SLC25A26: variants seen among roughly 807,000 people sequenced by gnomAD.
SLC25A26 encodes the protein solute carrier family 25 member 26.
SLC25A26 carries 36 observed loss-of-function variants against 37.8 expected under a neutral mutation model. The ratio of observed to expected loss-of-function variants is 0.95; its 90% CI spans 0.73 to 1.26. The LOEUF is 1.26. Ranked by LOEUF, SLC25A26 falls within the 50% of genes most tolerant of loss-of-function variation. The pLI is 0.00. For missense variants in SLC25A26, 390 were observed against 331.1 expected, an observed-to-expected ratio of 1.18 and a Z score of -1.38; for synonymous variants, 129 against 122.5, an observed-to-expected ratio of 1.05 and a Z score of -0.35.
chr3:66,352,553 T>A (rs553031230), intron 6 of SLC25A26, among the ~76,000 whole-genome samples: 1 of 152,280 alleles, frequency 6.6e-6, no homozygotes, highest in South Asian at 2.1e-4. Flanking sequence ...ATAATTTTTT[T>A]AATTTTGATT....
At chr3:66,261,354 T>C (rs532646572) in intron 3 of SLC25A26, among the ~76,000 whole-genome samples, 1 of 152,342 alleles carries the variant, frequency 6.6e-6, no homozygotes, top group East Asian at 1.9e-4. Context: ...TAATTCTTTA[T>C]TGTTTCTATT....
At chr3:66,204,447 A>AAAG (rs2071151472) in intron 1 of SLC25A26, among the ~76,000 whole-genome samples, 1 of 148,082 alleles carries the variant, frequency 6.8e-6, no homozygotes, top group Non-Finnish European at 1.5e-5. Flanking sequence ...AAAGAAAAAA[A>AAAG]GAAAAAAGAA....
chr3:66,224,957 G>A (rs527842013), intron 1 of SLC25A26, among the ~76,000 whole-genome samples: 15 of 152,276 alleles, frequency 9.9e-5, no homozygotes, highest in Admixed American at 2.0e-4. Flanking sequence ...TCCAGGTCAC[G>A]CTGCTGTAAG....
chr3:66,282,475 G>A (rs1158011971), intron 5 of SLC25A26, among the ~76,000 whole-genome samples: 1 of 152,060 alleles, frequency 6.6e-6, no homozygotes, highest in Non-Finnish European at 1.5e-5. Flanking sequence ...CTCCTTGCTG[G>A]TGTAGCAAGG....
At chr3:66,232,704 G>A (rs1180066066) in intron 1 of SLC25A26, among the ~76,000 whole-genome samples, 1 of 152,246 alleles carries the variant, frequency 6.6e-6, no homozygotes, top group Non-Finnish European at 1.5e-5. Context: ...AGGGCACATA[G>A]TGCGAGTTTT....
intron 5 of SLC25A26, among the ~76,000 whole-genome samples, chr3:66,283,119 G>A (rs1212999134): frequency 6.6e-6 from 1 of 152,126 alleles, no homozygotes; most frequent in East Asian, 1.9e-4. Context: ...AAGGACATTT[G>A]ACTTCTTTTG....
chr3:66,168,978 A>T (rs999437880), intron 1 of SLC25A26, among the ~76,000 whole-genome samples: 1 of 152,176 alleles, frequency 6.6e-6, no homozygotes, highest in Admixed American at 6.5e-5. Flanking sequence ...TTTAAAAATT[A>T]GCTTGGCATG....
intron 5 of SLC25A26, among the ~76,000 whole-genome samples, chr3:66,278,814 C>G (rs1362589319): frequency 6.6e-6 from 1 of 152,214 alleles, no homozygotes; most frequent in Non-Finnish European, 1.5e-5. Context: ...AGACTTCTCT[C>G]AACTATACTT....
intron 1 of SLC25A26, among the ~76,000 whole-genome samples, chr3:66,226,115 CT>C (rs2071738111): frequency 6.6e-6 from 1 of 152,096 alleles, no homozygotes; most frequent in Non-Finnish European, 1.5e-5. Flanking sequence ...TTAGTCTGTT[CT>C]CACACTGCTG....
chr3:66,352,421 G>GTTTTTTTT (rs1379958045), intron 6 of SLC25A26, among the ~76,000 whole-genome samples: 15 of 126,552 alleles, frequency 1.2e-4, no homozygotes, highest in African/African-American at 5.2e-4. Flanking sequence ...GCCTCCCCTC[G>GTTTTTTTT]TTTTTTGTTT....
intron 5 of SLC25A26, among the ~76,000 whole-genome samples, chr3:66,275,406 TAAA>T (rs200076219): frequency 2.0e-5 from 3 of 147,686 alleles, no homozygotes; most frequent in Middle Eastern, 3.5e-3. Context: ...ATAATAATAG[TAAA>T]AAAAAAAATT....
At chr3:66,182,717 G>C (rs867212794) in intron 1 of SLC25A26, among the ~76,000 whole-genome samples, 239 of 1,566 alleles carry the variant, frequency 0.15, 3 homozygotes, top group Admixed American at 0.34. Context: ...AGTGGGCGGC[G>C]GGGGGGGGGG....
At chr3:66,224,022 C>T (rs909470931) in intron 1 of SLC25A26, among the ~76,000 whole-genome samples, 3 of 152,090 alleles carry the variant, frequency 2.0e-5, no homozygotes, top group South Asian at 2.1e-4. Context: ...GACTAGTCTG[C>T]AGCCATAAAA....
intron 1 of SLC25A26, among the ~76,000 whole-genome samples, chr3:66,143,016 C>T (rs779242366): frequency 6.6e-6 from 1 of 152,144 alleles, no homozygotes; most frequent in Non-Finnish European, 1.5e-5. Flanking sequence ...ATCTTCCTGC[C>T]TCAGCCTCCC....
At chr3:66,202,292 A>G (rs1257550691) in intron 1 of SLC25A26, among the ~76,000 whole-genome samples, 1 of 152,122 alleles carries the variant, frequency 6.6e-6, no homozygotes, top group African/African-American at 2.4e-5. Context: ...GTTCTCACTC[A>G]TAAGTGGGAG....
At chr3:66,209,186 T>C (rs2071236483) in intron 1 of SLC25A26, among the ~76,000 whole-genome samples, 1 of 136,152 alleles carries the variant, frequency 7.3e-6, no homozygotes, top group African/African-American at 2.6e-5. Context: ...GATATATATA[T>C]ATATAACTTC....
chr3:66,190,957 CAAAT>C (rs1386866779), intron 1 of SLC25A26, among the ~76,000 whole-genome samples: 1 of 152,086 alleles, frequency 6.6e-6, no homozygotes, highest in African/African-American at 2.4e-5. Context: ...TTTTTGGAGT[CAAAT>C]AAATCTTAAA....
intron 1 of SLC25A26, among the ~76,000 whole-genome samples, chr3:66,151,135 G>A (rs1259367814): frequency 6.6e-6 from 1 of 152,144 alleles, no homozygotes; most frequent in African/African-American, 2.4e-5. Context: ...CCTTCTCTGG[G>A]CCAGGGAATG....
At chr3:66,275,972 T>C (rs2074130250) in intron 5 of SLC25A26, among the ~76,000 whole-genome samples, 2 of 152,062 alleles carry the variant, frequency 1.3e-5, no homozygotes, top group African/African-American at 2.4e-5. Flanking sequence ...CACCATCTTA[T>C]ATGGAGTATT....
Sources: allele counts gnomAD v4.1 joint callset (sites outside exome capture counted in the v4.1 genomes callset), GRCh38; gene constraint gnomAD v4.1.1; transcripts MANE v1.5; gene names NCBI Gene and HGNC (gene_info 2026-07-23, HGNC 2026-07-21).